The following CSMD1 variants were observed in gnomAD, a reference collection of about 807,000 sequenced individuals.
CSMD1 encodes CUB and sushi domain-containing protein 1.
In CSMD1, 213 loss-of-function variants were observed where a neutral mutation model predicts 417.5. That is an observed-to-expected ratio of 0.51 (90% CI 0.46 to 0.57). The LOEUF (loss-of-function observed/expected upper bound fraction) is 0.57. Among genes scored for constraint, CSMD1 ranks in the 20% least tolerant of loss-of-function variants. CSMD1 has a pLI of 0.00. For synonymous variants in CSMD1, 2,862 were observed against 1,736.8 expected, an observed-to-expected ratio of 1.65 and a Z score of -16.11; for missense variants, 6,923 against 4,529.7, an observed-to-expected ratio of 1.53 and a Z score of -15.17.
chr8:4,331,233 G>T (rs570289958), intron 3 of CSMD1, among the ~76,000 whole-genome samples: 6 of 152,142 alleles, frequency 3.9e-5, no homozygotes, highest in African/African-American at 1.4e-4. Flanking sequence ...GTGAGTCCCT[G>T]TGGGAACCTC....
chr8:4,187,706 G>C (rs1322966675), intron 3 of CSMD1, among the ~76,000 whole-genome samples: 6 of 143,898 alleles, frequency 4.2e-5, no homozygotes, highest in Non-Finnish European at 6.0e-5. Flanking sequence ...CATTCAGGAA[G>C]TTTATTCTAG....
intron 3 of CSMD1, among the ~76,000 whole-genome samples, chr8:4,141,305 A>G (rs995227780): frequency 6.6e-6 from 1 of 151,160 alleles, no homozygotes; most frequent in Non-Finnish European, 1.5e-5. Context: ...AATTCCCAAG[A>G]TGGAAATTAA....
At chr8:4,105,480 G>A (rs867927138) in intron 3 of CSMD1, among the ~76,000 whole-genome samples, 1 of 152,204 alleles carries the variant, frequency 6.6e-6, no homozygotes. Context: ...ATATACTGAG[G>A]AAACTATGTT....
chr8:3,434,566 C>T (rs1044065870), intron 12 of CSMD1, among the ~76,000 whole-genome samples: 1 of 152,126 alleles, frequency 6.6e-6, no homozygotes, highest in African/African-American at 2.4e-5. Flanking sequence ...AAATAGTGAA[C>T]ATAATTTAGA....
At chr8:4,553,909 T>C (rs1797980703) in intron 2 of CSMD1, among the ~76,000 whole-genome samples, 1 of 152,176 alleles carries the variant, frequency 6.6e-6, no homozygotes, top group South Asian at 2.1e-4. Context: ...AAAAATCTGA[T>C]GACTGGTTCA....
At chr8:3,239,246 G>A (rs1478574573) in intron 26 of CSMD1, among the ~76,000 whole-genome samples, 2 of 152,122 alleles carry the variant, frequency 1.3e-5, no homozygotes, top group Non-Finnish European at 2.9e-5. Context: ...AATACCAAGA[G>A]CCTGAAAAAA....
At chr8:4,525,217 G>C (rs953894069) in intron 2 of CSMD1, among the ~76,000 whole-genome samples, 4 of 152,096 alleles carry the variant, frequency 2.6e-5, no homozygotes, top group Non-Finnish European at 5.9e-5. Context: ...AAAAAAGGAA[G>C]AAGTGGTCCT....
At chr8:3,698,506 G>T in intron 7 of CSMD1, among the ~76,000 whole-genome samples, 1 of 152,192 alleles carries the variant, frequency 6.6e-6, no homozygotes, top group Middle Eastern at 3.2e-3. Flanking sequence ...AGCACTTAGT[G>T]CTAGAAATCT....
intron 3 of CSMD1, among the ~76,000 whole-genome samples, chr8:4,098,148 G>A (rs960246984): frequency 6.6e-6 from 1 of 152,102 alleles, no homozygotes; most frequent in African/African-American, 2.4e-5. Flanking sequence ...TAAAACCCTT[G>A]TAAATTAGAA....
chr8:4,455,559 C>T (rs975178237), intron 2 of CSMD1, among the ~76,000 whole-genome samples: 3 of 152,194 alleles, frequency 2.0e-5, no homozygotes, highest in East Asian at 3.9e-4. Context: ...TAGAATATGA[C>T]CTCCTGCTTG....
chr8:3,712,723 G>A (rs1585118304), intron 6 of CSMD1, among the ~76,000 whole-genome samples: 1 of 152,118 alleles, frequency 6.6e-6, no homozygotes, highest in South Asian at 2.1e-4. Flanking sequence ...GTTTTATTGT[G>A]TGGAAGATAA....
chr8:4,097,747 G>A (rs1415637223), intron 3 of CSMD1, among the ~76,000 whole-genome samples: 1 of 152,194 alleles, frequency 6.6e-6, no homozygotes, highest in East Asian at 1.9e-4. Context: ...CAAATTCAGT[G>A]TAGTTGTCAA....
intron 49 of CSMD1, among the ~76,000 whole-genome samples, chr8:3,074,624 T>C (rs556175255): frequency 1.3e-5 from 2 of 152,312 alleles, no homozygotes; most frequent in African/African-American, 4.8e-5. Context: ...TGGCAATGAG[T>C]GGAAGAAAGT....
Position 2,973,089 on chromosome 8 carries a change from G to C in CSMD1, c.8923+28C>G, listed in dbSNP as rs1005911601. 3.7e-6 allele frequency: 6 copies of C among 1,601,516 alleles called. No individual in the cohort carries two copies. The African/African-American group carries it at 8.1e-5, about 22-fold the overall frequency. On this transcript the variant is annotated intron_variant, in intron 57 of 69. Transcript: ENST00000635120. ...GAGCTGTGTGGTTTTAACTTTCAAG[G>C]TGGACCTTAAGGCTTCTGGCTACTC... is the stretch of plus-strand genomic sequence containing the variant.
chr8:3,484,069 CAT>C (rs1817889150), intron 11 of CSMD1, among the ~76,000 whole-genome samples: 1 of 152,154 alleles, frequency 6.6e-6, no homozygotes, highest in Non-Finnish European at 1.5e-5. Context: ...AGTATACATG[CAT>C]ATATGTTTAT....
intron 3 of CSMD1, among the ~76,000 whole-genome samples, chr8:4,060,713 A>G (rs1798927246): frequency 6.6e-6 from 1 of 152,162 alleles, no homozygotes; most frequent in Admixed American, 6.5e-5. Flanking sequence ...CCACATGGGA[A>G]TTTTAATAAG....
intron 49 of CSMD1, among the ~76,000 whole-genome samples, chr8:3,060,362 TCTTGAACTCCTGAACTCCTTGAACTC>T (rs1351738757): frequency 6.6e-6 from 1 of 152,060 alleles, no homozygotes; most frequent in Non-Finnish European, 1.5e-5. Context: ...GCCAGACTGA[TCTTGAACTCCTGAACTCCTTGAACTC>T]CTTGAACTCC....
intron 26 of CSMD1, among the ~76,000 whole-genome samples, chr8:3,238,338 G>T (rs1285609667): frequency 6.6e-6 from 1 of 152,112 alleles, no homozygotes; most frequent in Admixed American, 6.5e-5. Context: ...GCAGGAACTG[G>T]CCATCTGGAT....
At chr8:4,108,206 G>C (rs1563133780) in intron 3 of CSMD1, among the ~76,000 whole-genome samples, 1 of 152,100 alleles carries the variant, frequency 6.6e-6, no homozygotes. Flanking sequence ...AACAAATCAA[G>C]CTTATGTGAA....
Sources: gnomAD v4.1 joint callset for allele counts (sites outside exome capture counted in the v4.1 genomes callset) on GRCh38, gnomAD v4.1.1 for gene constraint, MANE v1.5 for transcripts, NCBI Gene and HGNC (gene_info 2026-07-23, HGNC 2026-07-21) for gene names.